The following KCNQ3 variants were observed in gnomAD, a reference collection of about 807,000 sequenced individuals.
KCNQ3 encodes the protein potassium voltage-gated channel subfamily Q member 3, also known as potassium voltage-gated channel subfamily KQT member 3.
KCNQ3 carries 30 observed loss-of-function variants against 92.5 expected under a neutral mutation model. That is an observed-to-expected ratio of 0.32 (90% confidence interval 0.24 to 0.44). KCNQ3 has a LOEUF of 0.44. Among genes scored for constraint, KCNQ3 ranks in the 20% least tolerant of loss-of-function variants. KCNQ3 has a pLI of 1.00. For missense variants in KCNQ3, 913 were observed against 1,140.3 expected, an observed-to-expected ratio of 0.80 and a Z score of 2.87; for synonymous variants, 450 against 468.8, an observed-to-expected ratio of 0.96 and a Z score of 0.52.
intron 12 of KCNQ3, among the ~76,000 whole-genome samples, chr8:132,136,773 A>G (rs1164500336): frequency 1.3e-5 from 2 of 152,164 alleles, no homozygotes; most frequent in Non-Finnish European, 2.9e-5. Flanking sequence ...TATTATTGGT[A>G]ATTATATCAT....
chr8:132,390,129 T>G (rs919691587), intron 1 of KCNQ3, among the ~76,000 whole-genome samples: 1 of 152,214 alleles, frequency 6.6e-6, no homozygotes, highest in Non-Finnish European at 1.5e-5. Context: ...CTCACAAACG[T>G]AAGACTTAGT....
intron 1 of KCNQ3, among the ~76,000 whole-genome samples, chr8:132,271,425 A>G (rs974468909): frequency 6.6e-6 from 1 of 152,178 alleles, no homozygotes. Context: ...TATTTTATTT[A>G]TTTATTTAAT....
Position 132,480,648 on chromosome 8 carries a change from C to A in KCNQ3, c.-116G>T. On this transcript the variant is annotated 5_prime_UTR_variant, in exon 1 of 15. It removes an upstream start codon present in the reference 5' UTR. Transcript: ENST00000388996. Reference sequence around the variant, plus strand: ...GCTGCAAGCCCGGGAACTCCAATGCCATGATCCGCGCGCCCCTCCCCACCC... The same window carrying A: ...GCTGCAAGCCCGGGAACTCCAATGCAATGATCCGCGCGCCCCTCCCCACCC... 2 of 1,074,588 alleles carry A rather than the reference C, an allele frequency of 1.9e-6. No homozygotes were observed. Among genetic ancestry groups the A allele is most frequent in the Non-Finnish European group, 2.3e-6 (2 of 866,334 alleles). The allele number at this position is 1,074,588 out of a possible 1,614,324, so 66.6% of individuals were successfully genotyped here. A position where few individuals can be genotyped will look rare whatever the true frequency, so the allele number is the denominator to read the frequency against.
chr8:132,204,531 C>T (rs1034438855), intron 1 of KCNQ3, among the ~76,000 whole-genome samples: 3 of 152,214 alleles, frequency 2.0e-5, no homozygotes, highest in Non-Finnish European at 4.4e-5. Flanking sequence ...GGCTGGGCAT[C>T]AGGGCAATTG....
chr8:132,154,656 G>A (rs755153310), intron 9 of KCNQ3, among the ~76,000 whole-genome samples: 7 of 152,192 alleles, frequency 4.6e-5, no homozygotes, highest in Admixed American at 6.5e-5. Context: ...AGTTTGTGCC[G>A]CTTGCAGGGA....
At chr8:132,333,061 A>ATGG (rs397762616) in intron 1 of KCNQ3, among the ~76,000 whole-genome samples, 146 of 150,894 alleles carry the variant, frequency 9.7e-4, no homozygotes, top group African/African-American at 3.5e-3. Context: ...GGATGGATGG[A>ATGG]AGATGAACAA....
chr8:132,231,240 T>C (rs1223349294), intron 1 of KCNQ3, among the ~76,000 whole-genome samples: 4 of 152,216 alleles, frequency 2.6e-5, no homozygotes, highest in Non-Finnish European at 5.9e-5. Context: ...AGGGCTGTGA[T>C]ATAATAACTG....
chr8:132,129,601 G>A lies in KCNQ3; in HGVS notation c.2280C>T (p.Cys760=), dbSNP rs750602350. 1 of 1,614,190 alleles carries A rather than the reference G, an allele frequency of 6.2e-7. No individual in the cohort carries two copies. The highest frequency in any genetic ancestry group is 1.7e-5 in the Admixed American group (1 of 60,028). The part of the protein sequence containing the change: ...ILTLLDSRVS[C]HSQADLQGPY... ...GGCCCTGCAGGTCAGCCTGGGAGTGGCAGCTCACTCGGGAGTCGAGAAGAG... is the reference window on the plus strand; with the variant it reads ...GGCCCTGCAGGTCAGCCTGGGAGTGACAGCTCACTCGGGAGTCGAGAAGAG... Residue 760 remains cysteine (C), a synonymous_variant, in exon 15 of 15, where the codon TGC becomes TGT. Transcript: ENST00000388996. This position sits in a 1 kb window ranked among gnomAD's most constrained non-coding sequence, Gnocchi z 5.9.
chr8:132,424,939 G>T (rs2130816062), intron 1 of KCNQ3, among the ~76,000 whole-genome samples: 1 of 152,270 alleles, frequency 6.6e-6, no homozygotes, highest in South Asian at 2.1e-4. Context: ...ATATCCACAA[G>T]GAGTCTTTTA....
At chr8:132,281,935 C>T (rs903719225) in intron 1 of KCNQ3, among the ~76,000 whole-genome samples, 4 of 152,218 alleles carry the variant, frequency 2.6e-5, no homozygotes, top group African/African-American at 9.6e-5. Flanking sequence ...GACCTCTCTT[C>T]CCTGGGTCTT....
At chr8:132,335,722 G>C (rs1451531886) in intron 1 of KCNQ3, among the ~76,000 whole-genome samples, 1 of 152,224 alleles carries the variant, frequency 6.6e-6, no homozygotes, top group African/African-American at 2.4e-5. Context: ...CCAAGAGTTA[G>C]TGATTTTCAG....
intron 1 of KCNQ3, among the ~76,000 whole-genome samples, chr8:132,198,262 C>A (rs921643052): frequency 3.9e-5 from 6 of 152,310 alleles, no homozygotes; most frequent in Admixed American, 1.3e-4. Context: ...GCCCCCAGCA[C>A]TGGCCAACAC....
intron 1 of KCNQ3, among the ~76,000 whole-genome samples, chr8:132,333,795 G>A (rs1032352398): frequency 1.3e-5 from 2 of 150,974 alleles, no homozygotes; most frequent in Admixed American, 6.6e-5. Context: ...GTGCAGTGGT[G>A]TGATTTCGGC....
At chr8:132,343,456 A>G (rs1340658032) in intron 1 of KCNQ3, among the ~76,000 whole-genome samples, 3 of 152,200 alleles carry the variant, frequency 2.0e-5, no homozygotes, top group Non-Finnish European at 4.4e-5. Flanking sequence ...GGAAGCCTCC[A>G]TAAGTGCTTA....
chr8:132,158,661 G>A (rs1428699367), intron 9 of KCNQ3, among the ~76,000 whole-genome samples: 2 of 152,202 alleles, frequency 1.3e-5, no homozygotes, highest in Admixed American at 1.3e-4. Context: ...TTCTAGCTTT[G>A]TGACCTTCTG....
chr8:132,352,610 C>A (rs1174089589), intron 1 of KCNQ3, among the ~76,000 whole-genome samples: 1 of 152,152 alleles, frequency 6.6e-6, no homozygotes, highest in Non-Finnish European at 1.5e-5. Context: ...GGTGACAGAT[C>A]GGACCGCAAG....
At chr8:132,191,474 C>T (rs914581998) in intron 1 of KCNQ3, among the ~76,000 whole-genome samples, 1 of 151,612 alleles carries the variant, frequency 6.6e-6, no homozygotes, top group Non-Finnish European at 1.5e-5. Context: ...ATCTATCTGC[C>T]TATCTACCTA....
intron 1 of KCNQ3, among the ~76,000 whole-genome samples, chr8:132,461,851 T>G (rs1587044103): frequency 6.6e-6 from 1 of 152,242 alleles, no homozygotes; most frequent in African/African-American, 2.4e-5. Context: ...TCCAAATATT[T>G]TGTCTATTTT....
Position 132,202,529 on chromosome 8 carries a change from A to G in KCNQ3, c.387-16348T>C, listed in dbSNP as rs1827494358. Among the ~76,000 whole-genome samples, 5 of 152,290 alleles carry G rather than the reference A, an allele frequency of 3.3e-5. No homozygotes were observed. The South Asian group carries it at 1.0e-3, about 32-fold the overall frequency. Reference sequence around the variant, plus strand: ...GCAAGAAGGCCAAAAGAAGCCACGCAGCACCTTGAGTGCTTTGCTGCTTAG... The same window carrying G: ...GCAAGAAGGCCAAAAGAAGCCACGCGGCACCTTGAGTGCTTTGCTGCTTAG... On this transcript the variant is annotated intron_variant, in intron 1 of 14. Coordinates refer to ENST00000388996, the MANE Select transcript of KCNQ3 (RefSeq NM_004519.4).
Sources: gnomAD v4.1 joint callset for allele counts (sites outside exome capture counted in the v4.1 genomes callset) on GRCh38, gnomAD v4.1.1 for gene constraint, Gnocchi (gnomAD v3.1) non-coding constraint, MANE v1.5 for transcripts, NCBI Gene and HGNC (gene_info 2026-07-23, HGNC 2026-07-21) for gene names.